Variants in TIPARP observed in about 807,000 individuals in gnomAD.
The protein encoded by TIPARP is TCDD inducible poly(ADP-ribose) polymerase.
A neutral mutation model predicts 56.5 loss-of-function variants in TIPARP; 12 were observed. The observed-to-expected ratio is 0.21, with a 90% CI of 0.14 to 0.34. The LOEUF is 0.34. TIPARP is among the 10% of genes least tolerant of loss of function. The pLI, the probability that TIPARP is intolerant of heterozygous loss-of-function variation, is 1.00. For missense variants in TIPARP, 604 were observed against 781.6 expected (o/e 0.77, Z 2.71); for synonymous variants, 296 against 265.7 (o/e 1.11, Z -1.11).
Position 156,694,206 on chromosome 3 carries a change from G to T in TIPARP, c.1086+18G>T. ...ATCCCGAGGTATTTACAGATTCTTT[G>T]TTGACAAGTACATTTTTCAAATTTA... On this transcript the variant is annotated intron_variant, in intron 3 of 5. Coordinates refer to ENST00000295924, the MANE Select transcript of TIPARP (RefSeq NM_015508.5). 6.4e-7 allele frequency: 1 copy of T among 1,562,574 alleles called. No individual in the cohort carries two copies. Among genetic ancestry groups the T allele is most frequent in the African/African-American group, 1.4e-5 (1 of 71,922 alleles).
At chr3:156,703,300 T>G in intron 4 of TIPARP, 124 bp from the exon 5 acceptor site, 1 of 1,064,080 alleles carries the variant, frequency 9.4e-7, no homozygotes, top group South Asian at 1.9e-5. Context: ...ATTTTTTACT[T>G]TTAAAATAAG....
chr3:156,676,488 GTGC>G (rs1722130071), intron 1 of TIPARP, among the ~76,000 whole-genome samples: 1 of 152,186 alleles, frequency 6.6e-6, no homozygotes, highest in African/African-American at 2.4e-5. Context: ...CATTTAATAT[GTGC>G]TTTTCTTAAC....
At chr3:156,691,075 C>A (rs1259270783) in intron 2 of TIPARP, among the ~76,000 whole-genome samples, 2 of 152,140 alleles carry the variant, frequency 1.3e-5, no homozygotes, top group Non-Finnish European at 2.9e-5. Context: ...GTTCCCATTT[C>A]CTCATCTCTC....
rs147785989 is a variant in TIPARP, at chr3:156,683,793, A to G, written c.917+5179A>G. Among the ~76,000 whole-genome samples the G allele has an allele frequency of 3.0e-3, 462 of 152,344 alleles. 2 individuals carry two copies. The highest frequency in any genetic ancestry group is 0.01 in the African/African-American group (435 of 41,598). On this transcript the variant is annotated intron_variant, in intron 2 of 5. Transcript: ENST00000295924. ...GGGTGCTATTCCTAAAGGATAAAGC[A>G]GTATGTAGTCTATGCAAACCTTGAC...
Position 156,705,291 on chromosome 3 carries a change from A to T in TIPARP, c.*160A>T, listed in dbSNP as rs939581509. 3.1e-5 allele frequency: 18 copies of T among 586,614 alleles called. No homozygotes were observed. In the Admixed American group the frequency reaches 6.3e-4, roughly 20 times the overall value. The allele number at this position is 586,614 out of a possible 1,614,324, so 36.3% of individuals were successfully genotyped here. ...TAGAAAATGCTTTTTTTAAAAAAAA[A>T]ATACAAGTTTTAAAATGACCACTTA... On this transcript the variant is annotated 3_prime_UTR_variant, in exon 6 of 6. Coordinates refer to ENST00000295924, the MANE Select transcript of TIPARP (RefSeq NM_015508.5).
At chr3:156,687,736 T>C (rs1367550178) in intron 2 of TIPARP, among the ~76,000 whole-genome samples, 1 of 152,216 alleles carries the variant, frequency 6.6e-6, no homozygotes, top group East Asian at 1.9e-4. Flanking sequence ...TACCTGCCTC[T>C]CTTCATTTCA....
At chr3:156,687,000 A>C (rs922080418) in intron 2 of TIPARP, among the ~76,000 whole-genome samples, 45 of 152,314 alleles carry the variant, frequency 3.0e-4, no homozygotes, top group African/African-American at 1.0e-3. Context: ...TTGAGATAAG[A>C]TAGAAACCTC....
chr3:156,702,834 C>CT (rs1722885045), intron 4 of TIPARP, among the ~76,000 whole-genome samples: 1 of 152,130 alleles, frequency 6.6e-6, no homozygotes, highest in Non-Finnish European at 1.5e-5. Context: ...ACACTCAAAG[C>CT]TATAAAAGTT....
At chr3:156,683,303 G>GA (rs1559971903) in intron 2 of TIPARP, among the ~76,000 whole-genome samples, 2 of 151,400 alleles carry the variant, frequency 1.3e-5, no homozygotes, top group South Asian at 4.2e-4. Flanking sequence ...TTGTAAGTAA[G>GA]AAAAAAAAGG....
chr3:156,679,756 C>T (rs1722243264), intron 2 of TIPARP, among the ~76,000 whole-genome samples: 1 of 152,146 alleles, frequency 6.6e-6, no homozygotes, highest in Non-Finnish European at 1.5e-5. Flanking sequence ...TTCCTTGAGT[C>T]ATCTTTGTTC....
chr3:156,685,054 T>C (rs1235760624), intron 2 of TIPARP, among the ~76,000 whole-genome samples: 3 of 152,248 alleles, frequency 2.0e-5, no homozygotes, highest in Non-Finnish European at 4.4e-5. Flanking sequence ...ATTCAGTCTG[T>C]GAAGAGGACA....
Position 156,678,204 on chromosome 3 carries a change from T to G in TIPARP, c.507T>G (p.Ser169Arg). 6.2e-7 allele frequency: 1 copy of G among 1,614,104 alleles called. No homozygotes were observed. Among genetic ancestry groups the G allele is most frequent in the Non-Finnish European group, 8.5e-7 (1 of 1,180,038 alleles). The change falls in exon 2 of 6, where the codon AGT becomes AGG. Residue 169 changes from serine (S) to arginine (R), a missense_variant. Ser to Arg is a moderately radical substitution (Grantham distance 110). Transcript: ENST00000295924. ...CTGATCTTTTGCACCCAGTTTCAAGTGATGTTCCTACTAGTCCTGACTGCT... is the reference window on the plus strand; with the variant it reads ...CTGATCTTTTGCACCCAGTTTCAAGGGATGTTCCTACTAGTCCTGACTGCT... ...FQTDLLHPVS[S>R]DVPTSPDCLD...
At position 156,693,985 on chromosome 3, in the gene TIPARP, G is replaced by T. The variant is rs1577039350; in HGVS notation, c.918-35G>T. 5.1e-6 allele frequency: 8 copies of T among 1,558,876 alleles called. No individual in the cohort carries two copies. The East Asian group carries it at 1.8e-4, about 36-fold the overall frequency. ...TTCTGTTTTACAAATTTATTAACAG[G>T]TTTTTGGGTTTTTTTTGTTTTTGTT... is the stretch of plus-strand genomic sequence containing the variant. On this transcript the variant is annotated intron_variant, in intron 2 of 5. Coordinates refer to ENST00000295924, the MANE Select transcript of TIPARP (RefSeq NM_015508.5).
intron 2 of TIPARP, among the ~76,000 whole-genome samples, chr3:156,692,167 A>G (rs987248798): frequency 1.3e-5 from 2 of 152,144 alleles, no homozygotes; most frequent in Non-Finnish European, 2.9e-5. Flanking sequence ...GCTGGGCGAT[A>G]AGCTTAAAGG....
At chr3:156,696,052 A>T (rs573889695) in intron 4 of TIPARP, 27 bp downstream of exon 4, 1 of 1,592,236 alleles carries the variant, frequency 6.3e-7, no homozygotes, top group African/African-American at 1.4e-5. Context: ...AAGTTGCAAT[A>T]TTTACTCTCA....
intron 2 of TIPARP, among the ~76,000 whole-genome samples, chr3:156,687,604 T>C (rs924488391): frequency 1.3e-5 from 2 of 152,218 alleles, no homozygotes; most frequent in African/African-American, 4.8e-5. Context: ...CAAATGGCTA[T>C]GTCTTAGTAT....
At chr3:156,681,159 A>G in intron 2 of TIPARP, 1 of 456,662 alleles carries the variant, frequency 2.2e-6, no homozygotes. Flanking sequence ...AGCCTTGCTG[A>G]GAGATTCACA....
chr3:156,691,825 G>C lies in TIPARP; in HGVS notation c.918-2195G>C, dbSNP rs1310041148. Among the ~76,000 whole-genome samples the C allele has an allele frequency of 2.8e-4, 42 of 152,150 alleles. 1 individual carries two copies. Among genetic ancestry groups the C allele is most frequent in the Non-Finnish European group, 6.2e-4 (42 of 68,000 alleles). ...TTGAAAATCAAATAGAGCTAAAACA[G>C]TACTTTGATACATCAATCCAAAGAA... On this transcript the variant is annotated intron_variant, in intron 2 of 5. Coordinates refer to ENST00000295924, the MANE Select transcript of TIPARP (RefSeq NM_015508.5).
rs1372303829 is a variant in TIPARP at position 156,700,081 on chromosome 3, A to AT, written c.1248-3336dup. ...TTTGTTAAATTTTTAAAACTTTTTT[A>AT]TTTTTTTATTTTTTATTTTTTATAT... On this transcript the variant is annotated intron_variant, in intron 4 of 5. Coordinates refer to ENST00000295924, the MANE Select transcript of TIPARP (RefSeq NM_015508.5). Among the ~76,000 whole-genome samples, 6 of 151,620 alleles carry AT rather than the reference A, an allele frequency of 4.0e-5. 1 individual carries two copies.
Sources: gnomAD v4.1 joint callset for allele counts (sites outside exome capture counted in the v4.1 genomes callset) on GRCh38, gnomAD v4.1.1 for gene constraint, MANE v1.5 for transcripts, NCBI Gene and HGNC (gene_info 2026-07-23, HGNC 2026-07-21) for gene names.